Variants in TBC1D7 observed in about 807,000 individuals in gnomAD.
TBC1D7 encodes TBC domain family 7.
Under a neutral mutation model 35.3 loss-of-function variants are expected in TBC1D7, and 33 were observed. The ratio of observed to expected loss-of-function variants is 0.93; its 90% CI spans 0.71 to 1.25. The LOEUF (loss-of-function observed/expected upper bound fraction) is 1.25, where lower values mean the gene tolerates loss of function less well. Ranked by LOEUF, TBC1D7 falls within the 50% of genes most tolerant of loss-of-function variation. The pLI is 0.00. For missense variants in TBC1D7, 362 were observed against 365.3 expected, an observed-to-expected ratio of 0.99 and a Z score of 0.07; for synonymous variants, 135 against 129.5, an observed-to-expected ratio of 1.04 and a Z score of -0.29.
chr6:13,321,463 A>C (rs925064400), intron 3 of TBC1D7, among the ~76,000 whole-genome samples: 12 of 152,178 alleles, frequency 7.9e-5, no homozygotes, highest in Admixed American at 4.6e-4. Context: ...GTCTCACCCT[A>C]GTCTTTGTAC....
At chr6:13,316,139 C>T (rs1282694744) in intron 5 of TBC1D7, among the ~76,000 whole-genome samples, 2 of 152,252 alleles carry the variant, frequency 1.3e-5, no homozygotes, top group African/African-American at 4.8e-5. Context: ...GCAGCGCCAG[C>T]TCTGCACTGC....
chr6:13,321,364 C>T (rs74326979), intron 3 of TBC1D7, among the ~76,000 whole-genome samples: 1 of 152,124 alleles, frequency 6.6e-6, no homozygotes, highest in Non-Finnish European at 1.5e-5. Context: ...ATAAGTATGC[C>T]GCATACATTC....
chr6:13,307,247 G>C (rs2127521583), intron 6 of TBC1D7: 1 of 196,306 alleles, frequency 5.1e-6, no homozygotes, highest in East Asian at 1.3e-4. Context: ...TCAAATCTTT[G>C]ACTGCTTTCA....
At chr6:13,309,233 T>C (rs1457456008) in intron 5 of TBC1D7, among the ~76,000 whole-genome samples, 5 of 152,190 alleles carry the variant, frequency 3.3e-5, no homozygotes, top group Non-Finnish European at 5.9e-5. Flanking sequence ...CACACAGAGT[T>C]ATATATTATG....
intron 5 of TBC1D7, among the ~76,000 whole-genome samples, chr6:13,314,324 C>T (rs943218091): frequency 2.6e-5 from 4 of 151,972 alleles, no homozygotes; most frequent in Admixed American, 6.6e-5. Context: ...TAGGGAATTG[C>T]AGGGATGGGG....
chr6:13,312,693 G>GAAA (rs34967695), intron 5 of TBC1D7, among the ~76,000 whole-genome samples: 25 of 102,564 alleles, frequency 2.4e-4, no homozygotes, highest in Admixed American at 7.2e-4. Context: ...CTCCATCTCA[G>GAAA]AAAAAAAAAA....
At chr6:13,315,721 A>G (rs1000203086) in intron 5 of TBC1D7, among the ~76,000 whole-genome samples, 6 of 152,258 alleles carry the variant, frequency 3.9e-5, no homozygotes, top group African/African-American at 1.4e-4. Flanking sequence ...CATCTCAAAA[A>G]AACAAAAATG....
At chr6:13,306,720 A>T (rs1404540953) in intron 6 of TBC1D7, 193 bp from the exon 7 acceptor site, 8 of 368,634 alleles carry the variant, frequency 2.2e-5, no homozygotes, top group Non-Finnish European at 3.8e-5. Flanking sequence ...AGATACAATC[A>T]GCACTAGAAG....
chr6:13,307,458 GT>G, intron 6 of TBC1D7, 141 bp downstream of exon 6: 1 of 796,782 alleles, frequency 1.3e-6, no homozygotes, highest in South Asian at 1.7e-5. Context: ...ATCATGTGCT[GT>G]TACGGTAGCT....
chr6:13,316,769 T>G, intron 4 of TBC1D7, 61 bp from the exon 5 acceptor site: 1 of 1,573,030 alleles, frequency 6.4e-7, no homozygotes, highest in Middle Eastern at 1.7e-4. Context: ...ACATATTTCT[T>G]TAATAAAAAA....
chr6:13,316,508 C>T, intron 5 of TBC1D7, 63 bp downstream of exon 5: 1 of 1,558,040 alleles, frequency 6.4e-7, no homozygotes, highest in Non-Finnish European at 8.7e-7. Flanking sequence ...TAAGAGCACT[C>T]CCTGAAGACC....
At chr6:13,324,311 T>C (rs1176711322) in intron 3 of TBC1D7, among the ~76,000 whole-genome samples, 1 of 152,064 alleles carries the variant, frequency 6.6e-6, no homozygotes, top group Non-Finnish European at 1.5e-5. Flanking sequence ...GTATTTTTAG[T>C]AGAGAGGGGG....
chr6:13,322,066 T>G (rs534151106), intron 3 of TBC1D7, among the ~76,000 whole-genome samples: 2 of 151,982 alleles, frequency 1.3e-5, no homozygotes, highest in South Asian at 4.2e-4. Context: ...GTGAAGGTAT[T>G]TGGGAAACCC....
intron 2 of TBC1D7, 67 bp from the exon 3 acceptor site, chr6:13,325,241 C>A: frequency 1.7e-6 from 2 of 1,203,870 alleles, no homozygotes; most frequent in South Asian, 1.3e-5. Flanking sequence ...AGGCACATTT[C>A]ATTTTTTAAA....
At position 13,325,089 on chromosome 6, in the gene TBC1D7, C is replaced by CAT; in HGVS notation, c.193+3_193+4dup. 6.2e-7 allele frequency: 1 copy of CAT among 1,605,450 alleles called. No individual in the cohort carries two copies. The highest frequency in any genetic ancestry group is 2.2e-5 in the East Asian group (1 of 44,768). ...GATAAATCTTCCAACTCCTGGGTCT[C>CAT]ATACCTAGAAGCACCTTCCATACCA... On this transcript the variant is annotated splice_donor_region_variant and intron_variant, in intron 3 of 7. Coordinates refer to ENST00000379300, the MANE Select transcript of TBC1D7 (RefSeq NM_016495.6).
At chr6:13,320,725 A>G in intron 4 of TBC1D7, 183 bp downstream of exon 4, 2 of 699,048 alleles carry the variant, frequency 2.9e-6, no homozygotes, top group South Asian at 3.1e-5. Flanking sequence ...AAAAAAACAA[A>G]AAGTAAGAAG....
Position 13,316,780 on chromosome 6 carries a change from T to G in TBC1D7, c.382-72A>C, listed in dbSNP as rs1234801364. ...GAATACATATTTCTTTAATAAAAAA[T>G]GAAACCTTGCTCCCTAAATTTTGAA... On this transcript the variant is annotated intron_variant, in intron 4 of 7. Coordinates refer to ENST00000379300, the MANE Select transcript of TBC1D7 (RefSeq NM_016495.6). 3.2e-6 allele frequency: 5 copies of G among 1,553,354 alleles called. No individual in the cohort carries two copies. In the Admixed American group the frequency reaches 5.9e-5, roughly 18 times the overall value.
chr6:13,305,591 G>A (rs1782754361), intron 7 of TBC1D7: 1 of 210,142 alleles, frequency 4.8e-6, no homozygotes, highest in South Asian at 6.2e-5. Context: ...TTTATTCAAC[G>A]CATATTGACT....
chr6:13,317,065 G>C (rs1413627709), intron 4 of TBC1D7, among the ~76,000 whole-genome samples: 2 of 152,184 alleles, frequency 1.3e-5, no homozygotes, highest in African/African-American at 4.8e-5. Context: ...TGAAAAGGGT[G>C]TAATAAACAG....
Sources: gnomAD v4.1 joint callset for allele counts (sites outside exome capture counted in the v4.1 genomes callset) on GRCh38, gnomAD v4.1.1 for gene constraint, MANE v1.5 for transcripts, NCBI Gene and HGNC (gene_info 2026-07-23, HGNC 2026-07-21) for gene names.